Variants in ST3GAL5 observed in about 807,000 individuals in gnomAD.
The protein encoded by ST3GAL5 is ST3 beta-galactoside alpha-2,3-sialyltransferase 5.
A neutral mutation model predicts 46.1 loss-of-function variants in ST3GAL5; 25 were observed. That is an observed-to-expected ratio of 0.54 (90% CI 0.40 to 0.76). The LOEUF is 0.76. ST3GAL5 is among the 30% of genes least tolerant of loss of function. The probability of loss-of-function intolerance (pLI) is 0.00; values close to 1 mark genes in which losing one functional copy is unlikely to be tolerated. For missense variants in ST3GAL5, 431 were observed against 521.2 expected (o/e 0.83, Z 1.69); for synonymous variants, 182 against 192.7 (o/e 0.94, Z 0.46).
Position 85,866,710 on chromosome 2 carries a change from G to A in ST3GAL5, c.83-3225C>T, listed in dbSNP as rs533818694. Among the ~76,000 whole-genome samples, 157 of 152,242 alleles carry A rather than the reference G, an allele frequency of 1.0e-3. 1 individual carries two copies. Among genetic ancestry groups the A allele is most frequent in the African/African-American group, 3.6e-3 (151 of 41,564 alleles). On this transcript the variant is annotated intron_variant, in intron 1 of 6. Coordinates refer to ENST00000638572, the MANE Select transcript of ST3GAL5 (RefSeq NM_003896.4). ...CACCACCACATCCATCCCTGGGCACGTCCCTATCTCTGTTTACCACAATGA... is the reference window on the plus strand; with the variant it reads ...CACCACCACATCCATCCCTGGGCACATCCCTATCTCTGTTTACCACAATGA...
At chr2:85,847,379 T>TA in intron 4 of ST3GAL5, 1 of 996,384 alleles carries the variant, frequency 1.0e-6, no homozygotes, top group Non-Finnish European at 1.2e-6. Flanking sequence ...TTCTGCCACT[T>TA]ACTGTAGCCA....
intron 1 of ST3GAL5, among the ~76,000 whole-genome samples, chr2:85,879,261 G>T (rs1686902347): frequency 6.6e-6 from 1 of 152,158 alleles, no homozygotes; most frequent in African/African-American, 2.4e-5. Context: ...GGTGCCACAG[G>T]ACTTGGTGCC....
intron 6 of ST3GAL5, among the ~76,000 whole-genome samples, chr2:85,842,858 T>G (rs1354272958): frequency 6.6e-6 from 1 of 151,440 alleles, no homozygotes; most frequent in East Asian, 1.9e-4. Context: ...GCCTCCCAGG[T>G]CAAGCGATTC....
intron 3 of ST3GAL5, 55 bp downstream of exon 3, chr2:85,861,126 T>C (rs911631889): frequency 8.6e-7 from 1 of 1,156,822 alleles, no homozygotes; most frequent in Non-Finnish European, 1.3e-6. Flanking sequence ...ATATTATAGT[T>C]TGAGCATATG....
intron 6 of ST3GAL5, 107 bp from the exon 7 acceptor site, chr2:85,840,499 G>A (rs1681899473): frequency 4.9e-6 from 6 of 1,226,898 alleles, no homozygotes; most frequent in Admixed American, 2.0e-5. Flanking sequence ...TACATTGGGG[G>A]CTGCAATTTC....
chr2:85,886,019 C>A (rs967781040), intron 1 of ST3GAL5, among the ~76,000 whole-genome samples: 1 of 152,128 alleles, frequency 6.6e-6, no homozygotes, highest in Non-Finnish European at 1.5e-5. Flanking sequence ...ACTAACAATG[C>A]GTGACTATGT....
At chr2:85,883,162 C>T (rs985475675) in intron 1 of ST3GAL5, among the ~76,000 whole-genome samples, 4 of 152,262 alleles carry the variant, frequency 2.6e-5, no homozygotes, top group Admixed American at 1.3e-4. Context: ...GCTCTGTCTC[C>T]ACCCAAATCT....
At chr2:85,872,148 A>C (rs1686001066) in intron 1 of ST3GAL5, among the ~76,000 whole-genome samples, 2 of 152,192 alleles carry the variant, frequency 1.3e-5, no homozygotes, top group African/African-American at 4.8e-5. Context: ...ATGGGGACAG[A>C]GGTCTCTGAG....
chr2:85,888,849 C>T lies in ST3GAL5; in HGVS notation c.57G>A (p.Glu19=), dbSNP rs1209833938. 7.5e-7 allele frequency: 1 copy of T among 1,326,544 alleles called. No individual in the cohort carries two copies. Among genetic ancestry groups the T allele is most frequent in the Non-Finnish European group, 9.7e-7 (1 of 1,032,990 alleles). The allele number at this position is 1,326,544 out of a possible 1,614,324, so 82.2% of individuals were successfully genotyped here. The part of the protein sequence containing the change: ...AERRPLQPRT[E]AAAAPAGRAM... ...CTCGGCCGGCAGGTGCCGCCGCTGC[C>T]TCGGTCCGCGGCTGCAGGGGACGCC... Residue 19 remains glutamate, a synonymous_variant, in exon 1 of 7, where the codon GAG becomes GAA. Transcript: ENST00000638572.
intron 1 of ST3GAL5, among the ~76,000 whole-genome samples, chr2:85,869,477 G>A (rs1685677920): frequency 6.6e-6 from 1 of 151,614 alleles, no homozygotes; most frequent in Non-Finnish European, 1.5e-5. Flanking sequence ...AAATCCTTAA[G>A]CTACGATTGA....
chr2:85,866,829 C>T (rs1685337401), intron 1 of ST3GAL5, among the ~76,000 whole-genome samples: 1 of 152,220 alleles, frequency 6.6e-6, no homozygotes, highest in Non-Finnish European at 1.5e-5. Flanking sequence ...CAGAGATTGG[C>T]ACACAGCAGC....
intron 3 of ST3GAL5, chr2:85,848,439 G>A: frequency 6.7e-7 from 1 of 1,494,598 alleles, no homozygotes; most frequent in Non-Finnish European, 9.0e-7. Flanking sequence ...TCATTGCACA[G>A]GCAAAGCAAG....
At chr2:85,853,010 C>G (rs1365232246) in intron 3 of ST3GAL5, 1 of 1,304,032 alleles carries the variant, frequency 7.7e-7, no homozygotes, top group Non-Finnish European at 1.0e-6. Context: ...TCTGCAGAGT[C>G]CGAGAGAAGA....
intron 6 of ST3GAL5, among the ~76,000 whole-genome samples, chr2:85,841,888 A>C (rs1442432430): frequency 6.6e-6 from 1 of 152,234 alleles, no homozygotes. Context: ...AAGGCCCTGC[A>C]GCTCACTAGG....
intron 6 of ST3GAL5, among the ~76,000 whole-genome samples, chr2:85,843,787 A>T (rs1449190753): frequency 1.3e-5 from 2 of 152,246 alleles, no homozygotes; most frequent in African/African-American, 4.8e-5. Flanking sequence ...CTACTGCAAT[A>T]AACAGCCTAG....
intron 1 of ST3GAL5, among the ~76,000 whole-genome samples, chr2:85,875,184 C>T (rs1020134633): frequency 2.6e-5 from 4 of 151,938 alleles, no homozygotes; most frequent in African/African-American, 4.8e-5. Flanking sequence ...CTCAGCCTCC[C>T]GTAGCTAGGA....
At chr2:85,856,396 T>C (rs1370617445) in intron 3 of ST3GAL5, 1 of 152,104 alleles carries the variant, frequency 6.6e-6, no homozygotes, top group East Asian at 1.9e-4. Context: ...AGACAGAAAG[T>C]AGATTACTGG....
chr2:85,885,403 T>A (rs1433748452), intron 1 of ST3GAL5, among the ~76,000 whole-genome samples: 1 of 152,144 alleles, frequency 6.6e-6, no homozygotes, highest in Non-Finnish European at 1.5e-5. Flanking sequence ...GTGACCACAC[T>A]TGCTGGCACC....
rs890998413 is a variant in ST3GAL5, at chr2:85,867,692, G to T, written c.83-4207C>A. The T allele has an allele frequency of 1.3e-4, 98 of 779,624 alleles. No homozygotes were observed. The Admixed American group carries it at 1.6e-3, about 13-fold the overall frequency. 48.3% of individuals were successfully genotyped at this position (779,624 alleles called of 1,614,324 possible). A position where few individuals can be genotyped will look rare whatever the true frequency, so the allele number is the denominator to read the frequency against. ...CCAGACTGAGGGTGTATACACCCAGGTCTTAAATACCATACTGAAGGAATG... is the reference window on the plus strand; with the variant it reads ...CCAGACTGAGGGTGTATACACCCAGTTCTTAAATACCATACTGAAGGAATG... On this transcript the variant is annotated intron_variant, in intron 1 of 6. Transcript: ENST00000638572.
Sources: gnomAD v4.1 joint callset for allele counts (sites outside exome capture counted in the v4.1 genomes callset) on GRCh38, gnomAD v4.1.1 for gene constraint, MANE v1.5 for transcripts, NCBI Gene and HGNC (gene_info 2026-07-23, HGNC 2026-07-21) for gene names.